The following TOE1 variants were observed in gnomAD, a reference collection of about 807,000 sequenced individuals.
TOE1 encodes the protein target of EGR1, exonuclease, also known as target of EGR1 protein 1.
In TOE1, 50 loss-of-function variants were observed where a neutral mutation model predicts 49.2. The ratio of observed to expected loss-of-function variants is 1.02; its 90% CI spans 0.81 to 1.29. The LOEUF is 1.29. TOE1 is among the 50% of genes most tolerant of loss of function. The pLI is 0.00. For synonymous variants in TOE1, 221 were observed against 247.0 expected (o/e 0.89, Z 0.99); for missense variants, 544 against 654.4 (o/e 0.83, Z 1.84).
intron 3 of TOE1, 38 bp downstream of exon 3, chr1:45,341,381 A>C: frequency 1.2e-6 from 2 of 1,614,128 alleles, no homozygotes; most frequent in Non-Finnish European, 1.7e-6. Flanking sequence ...GCCAGCCCTC[A>C]ACTGTGGAGT....
In TOE1 at chr1:45,343,116, C is replaced by A; in HGVS notation, c.947C>A (p.Pro316His). ...YGWCPLGPQC[P>H]QSHDIDLIID... ...TGGTGCCCCCTGGGACCACAGTGTC[C>A]TCAGTCTCACGATATTGACCTTATC... is the stretch of plus-strand genomic sequence containing the variant. The change falls in exon 8 of 8, where the codon CCT (proline) becomes CAT (histidine). Residue 316 changes from proline to histidine, a missense_variant. Pro to His is a moderately conservative substitution (Grantham distance 77, BLOSUM62 -2). Transcript: ENST00000372090. The surrounding 1 kb of genome is among the most constrained non-coding windows in gnomAD (Gnocchi z 4.3). 6.2e-7 allele frequency: 1 copy of A among 1,613,918 alleles called. No homozygotes were observed. Among genetic ancestry groups the A allele is most frequent in the Non-Finnish European group, 8.5e-7 (1 of 1,179,954 alleles).
Position 45,342,879 on chromosome 1 carries a change from C to A in TOE1, c.789C>A (p.Ser263Arg), listed in dbSNP as rs949740152. Reference protein sequence around the residue: ...RENGKQRAAGSPHLTLEFCNY... With the variant: ...RENGKQRAAGRPHLTLEFCNY... ...ATGGGAAGCAGCGGGCAGCTGGCAG[C>A]CCACACCTTACCCTGGAGTTCTGCA... The change falls in exon 7 of 8, where the codon AGC becomes AGA. Residue 263 changes from serine to arginine, a missense_variant. Coordinates refer to ENST00000372090, the MANE Select transcript of TOE1 (RefSeq NM_025077.4). 6.2e-7 allele frequency: 1 copy of A among 1,614,064 alleles called. No homozygotes were observed. Among genetic ancestry groups the A allele is most frequent in the Non-Finnish European group, 8.5e-7 (1 of 1,180,032 alleles).
Position 45,341,829 on chromosome 1 carries a change from C to T in TOE1, c.334-120C>T. The T allele has an allele frequency of 2.7e-6, 3 of 1,101,690 alleles. No homozygotes were observed. In the Admixed American group the frequency reaches 6.2e-5, roughly 23 times the overall value. The allele number at this position is 1,101,690 out of a possible 1,614,324, so 68.2% of individuals were successfully genotyped here. Reference sequence around the variant, plus strand: ...GCCCAATGCGTAGTCTTTTATCCCTCACCTGCCTCCATCCTTTCCCCCCTG... The same window carrying T: ...GCCCAATGCGTAGTCTTTTATCCCTTACCTGCCTCCATCCTTTCCCCCCTG... On this transcript the variant is annotated intron_variant, in intron 4 of 7. Transcript: ENST00000372090.
At position 45,343,273 on chromosome 1, in the gene TOE1, G is replaced by A. The variant is rs897395395; in HGVS notation, c.1104G>A (p.Lys368=). Residue 368 remains lysine (K), a synonymous_variant, in exon 8 of 8, where the codon AAG becomes AAA. Transcript: ENST00000372090. The surrounding 1 kb of genome is among the most constrained non-coding windows in gnomAD (Gnocchi z 4.3). ...SGEAKDGPPK[K]QVCGDSIKPE... ...AAGCTAAGGATGGTCCTCCCAAGAA[G>A]CAGGTCTGTGGGGATAGCATCAAGC... is the stretch of plus-strand genomic sequence containing the variant. The A allele has an allele frequency of 1.9e-6, 3 of 1,614,100 alleles. No individual in the cohort carries two copies. Among genetic ancestry groups the A allele is most frequent in the African/African-American group, 1.3e-5 (1 of 75,018 alleles).
chr1:45,340,940 G>GCCGTATCA, intron 1 of TOE1, 133 bp from the exon 2 acceptor site: 1 of 1,315,510 alleles, frequency 7.6e-7, no homozygotes, highest in Non-Finnish European at 1.1e-6. Flanking sequence ...GAACACGTGG[G>GCCGTATCA]TTACAAAGGC....
Position 45,343,296 on chromosome 1 carries a change from A to G in TOE1, c.1127A>G (p.Lys376Arg). ...AAGCAGGTCTGTGGGGATAGCATCA[A>G]GCCTGAAGAAACCGAGCAGGAGGTG... ...PKKQVCGDSI[K>R]PEETEQEVAA... Residue 376 changes from lysine to arginine, a missense_variant, in exon 8 of 8, where the codon AAG (lysine) becomes AGG (arginine). By Grantham distance (26) the Lys-to-Arg change is conservative. Transcript: ENST00000372090. This position sits in a 1 kb window ranked among gnomAD's most constrained non-coding sequence, Gnocchi z 4.3. The G allele has an allele frequency of 2.5e-6, 4 of 1,614,128 alleles. No individual in the cohort carries two copies. The highest frequency in any genetic ancestry group is 3.4e-6 in the Non-Finnish European group (4 of 1,180,034).
rs2149249723 is a variant in TOE1 at position 45,340,286 on chromosome 1, G to A, written c.34G>A (p.Ala12Thr). Residue 12 changes from alanine (A) to threonine (T), a missense_variant, in exon 1 of 8, where the codon GCT becomes ACT. Transcript: ENST00000372090. ...AADSDDGAVSAPAASDGGVSK... is the reference protein window; with the variant it reads ...AADSDDGAVSTPAASDGGVSK... Reference sequence around the variant, plus strand: ...CGACAGTGACGATGGCGCAGTTTCAGCTCCCGCAGCTTCCGACGGTGAGCG... The same window carrying A: ...CGACAGTGACGATGGCGCAGTTTCAACTCCCGCAGCTTCCGACGGTGAGCG... 1.2e-6 allele frequency: 2 copies of A among 1,613,440 alleles called. No individual in the cohort carries two copies. The highest frequency in any genetic ancestry group is 1.7e-6 in the Non-Finnish European group (2 of 1,179,924).
chr1:45,341,934 TTC>T lies in TOE1; in HGVS notation c.334-11_334-10del. The T allele has an allele frequency of 6.2e-7, 1 of 1,612,386 alleles. No individual in the cohort carries two copies. The highest frequency in any genetic ancestry group is 1.1e-5 in the South Asian group (1 of 91,056). On this transcript the variant is annotated splice_polypyrimidine_tract_variant and intron_variant, in intron 4 of 7. Transcript: ENST00000372090. ...TCTCTGAAATCTTGATATAGCAGAC[TTC>T]TCTTTCTCCCAGGGTGAACATTCCT...
intron 5 of TOE1, 92 bp from the exon 6 acceptor site, chr1:45,342,292 G>A (rs570113391): frequency 3.4e-5 from 52 of 1,550,258 alleles, no homozygotes; most frequent in South Asian, 1.1e-4. Context: ...GAGAGAGAGC[G>A]TTCCAAGTGG....
At chr1:45,342,786 C>T (rs914752839) in intron 6 of TOE1, 57 bp from the exon 7 acceptor site, 3 of 1,610,340 alleles carry the variant, frequency 1.9e-6, no homozygotes, top group African/African-American at 1.3e-5. Context: ...GACCACAAAA[C>T]CCTGCTCTTA....
Position 45,341,561 on chromosome 1 carries a change from C to A in TOE1, c.325C>A (p.Pro109Thr), listed in dbSNP as rs1234401145. Reference sequence around the variant, plus strand: ...GGGCCTCGCCTGCTTCAAGCGGCAGCCAGACAAGGTATGAGCTGATCTCAC... The same window carrying A: ...GGGCCTCGCCTGCTTCAAGCGGCAGACAGACAAGGTATGAGCTGATCTCAC... ...SLGLACFKRQPDKGEHSYLAQ... is the reference protein window; with the variant it reads ...SLGLACFKRQTDKGEHSYLAQ... The change falls in exon 4 of 8, where the codon CCA (proline) becomes ACA (threonine). Residue 109 changes from proline (P) to threonine (T), a missense_variant. Pro to Thr is a conservative substitution (Grantham distance 38, BLOSUM62 -1). Transcript: ENST00000372090. 1 of 1,613,230 alleles carries A rather than the reference C, an allele frequency of 6.2e-7. No individual in the cohort carries two copies. The highest frequency in any genetic ancestry group is 1.6e-4 in the Middle Eastern group (1 of 6,062).
At chr1:45,341,840 A>G in intron 4 of TOE1, 109 bp from the exon 5 acceptor site, 1 of 1,232,848 alleles carries the variant, frequency 8.1e-7, no homozygotes, top group Non-Finnish European at 1.2e-6. Context: ...ACCTGCCTCC[A>G]TCCTTTCCCC....
In TOE1 at chr1:45,343,914, G is replaced by T; in HGVS notation, c.*212G>T. On this transcript the variant is annotated 3_prime_UTR_variant, in exon 8 of 8. Coordinates refer to ENST00000372090, the MANE Select transcript of TOE1 (RefSeq NM_025077.4). The surrounding 1 kb of genome is among the most constrained non-coding windows in gnomAD (Gnocchi z 4.3). ...TAACACTGACTTTATTTTTAAGTCTGAAAATGTCTTGGGAAAGTTTTACAA... is the reference window on the plus strand; with the variant it reads ...TAACACTGACTTTATTTTTAAGTCTTAAAATGTCTTGGGAAAGTTTTACAA... 1 of 444,470 alleles carries T rather than the reference G, an allele frequency of 2.2e-6. No homozygotes were observed. The allele number at this position is 444,470 out of a possible 1,614,324, so 27.5% of individuals were successfully genotyped here.
At chr1:45,340,451 G>T (rs770735105) in intron 1 of TOE1, 147 bp downstream of exon 1, 6 of 1,489,418 alleles carry the variant, frequency 4.0e-6, no homozygotes, top group Non-Finnish European at 5.3e-6. Flanking sequence ...AAGTTCCGTT[G>T]TACACCGCGG....
At position 45,343,508 on chromosome 1, in the gene TOE1, A is replaced by T. The variant is rs547171031; in HGVS notation, c.1339A>T (p.Thr447Ser). The part of the protein sequence containing the change: ...LHRAGFDAFM[T>S]GYVMAYVEVS... ...CCGGGCTGGTTTTGATGCCTTTATG[A>T]CAGGTTATGTGATGGCCTATGTGGA... is the stretch of plus-strand genomic sequence containing the variant. Residue 447 changes from threonine to serine, a missense_variant, in exon 8 of 8, where the codon ACA becomes TCA. Coordinates refer to ENST00000372090, the MANE Select transcript of TOE1 (RefSeq NM_025077.4). The surrounding 1 kb of genome is among the most constrained non-coding windows in gnomAD (Gnocchi z 4.3). 1.3e-4 allele frequency: 207 copies of T among 1,613,968 alleles called. No homozygotes were observed. The highest frequency in any genetic ancestry group is 1.7e-4 in the Non-Finnish European group (199 of 1,180,020).
chr1:45,342,324 A>G, intron 5 of TOE1, 60 bp from the exon 6 acceptor site: 1 of 1,587,806 alleles, frequency 6.3e-7, no homozygotes, highest in Non-Finnish European at 8.6e-7. Flanking sequence ...ATAAGTGCCC[A>G]GCAGAAGAGG....
Position 45,343,861 on chromosome 1 carries a change from T to C in TOE1, c.*159T>C. 2.5e-6 allele frequency: 2 copies of C among 791,074 alleles called. No homozygotes were observed. The highest frequency in any genetic ancestry group is 2.0e-6 in the Non-Finnish European group (1 of 506,106). 49.0% of individuals were successfully genotyped at this position (791,074 alleles called of 1,614,324 possible). ...GCCTCCTTTATCCCAGTGTTTGAGG[T>C]ACAAGTAAGAAGGCTGACCAGCACC... is the stretch of plus-strand genomic sequence containing the variant. On this transcript the variant is annotated 3_prime_UTR_variant, in exon 8 of 8. Coordinates refer to ENST00000372090, the MANE Select transcript of TOE1 (RefSeq NM_025077.4). This position sits in a 1 kb window ranked among gnomAD's most constrained non-coding sequence, Gnocchi z 4.3.
At chr1:45,342,719 C>T in intron 6 of TOE1, 76 bp downstream of exon 6, 1 of 1,599,672 alleles carries the variant, frequency 6.3e-7, no homozygotes, top group South Asian at 1.1e-5. Flanking sequence ...TTATTGAGCT[C>T]CTACCATGTG....
chr1:45,340,666 T>C (rs1646885278), intron 1 of TOE1: 4 of 1,097,998 alleles, frequency 3.6e-6, no homozygotes, highest in Non-Finnish European at 4.8e-6. Context: ...TACTGGGAGC[T>C]GTTGCTTGTG....
Sources: gnomAD v4.1 joint callset for allele counts on GRCh38, gnomAD v4.1.1 for gene constraint, Gnocchi (gnomAD v3.1) non-coding constraint, MANE v1.5 for transcripts, NCBI Gene and HGNC (gene_info 2026-07-23, HGNC 2026-07-21) for gene names.